PREX2: variants seen among roughly 807,000 people sequenced by gnomAD.
PREX2 encodes phosphatidylinositol 3,4,5-trisphosphate-dependent Rac exchanger 2 protein.
PREX2 carries 107 observed loss-of-function variants against 203.2 expected under a neutral mutation model. The ratio of observed to expected loss-of-function variants is 0.53; its 90% CI spans 0.45 to 0.62. PREX2 has a LOEUF of 0.62. PREX2 is among the 20% of genes least tolerant of loss of function. PREX2 has a pLI of 0.00. For missense variants in PREX2, 1,777 were observed against 1,955.9 expected (o/e 0.91, Z 1.72); for synonymous variants, 672 against 663.6 (o/e 1.01, Z -0.19).
In PREX2 at chr8:68,019,778, C is replaced by T. The variant is rs1400128580; in HGVS notation, c.336+107C>T. ...ATTCAGTATTAGAAGTAAAATCTGA[C>T]ACCAAAAGTTTAAGGTCTTTTAAGG... On this transcript the variant is annotated intron_variant, in intron 3 of 39. Coordinates refer to ENST00000288368, the MANE Select transcript of PREX2 (RefSeq NM_024870.4). 1.1e-5 allele frequency: 12 copies of T among 1,136,836 alleles called. No individual in the cohort carries two copies. The Admixed American group carries it at 2.9e-4, about 28-fold the overall frequency. 70.4% of individuals were successfully genotyped at this position (1,136,836 alleles called of 1,614,324 possible).
At chr8:67,975,055 T>C (rs1015284139) in intron 1 of PREX2, among the ~76,000 whole-genome samples, 1 of 152,156 alleles carries the variant, frequency 6.6e-6, no homozygotes, top group African/African-American at 2.4e-5. Context: ...CTTCTGCCTT[T>C]ATTATTCTTC....
chr8:67,997,082 T>A (rs1806787946), intron 1 of PREX2, among the ~76,000 whole-genome samples: 1 of 152,216 alleles, frequency 6.6e-6, no homozygotes, highest in Admixed American at 6.5e-5. Context: ...TGGGTGGTAT[T>A]TATGGGAAGT....
intron 31 of PREX2, among the ~76,000 whole-genome samples, chr8:68,130,968 G>A (rs1279650507): frequency 1.3e-5 from 2 of 152,240 alleles, no homozygotes; most frequent in African/African-American, 2.4e-5. Flanking sequence ...TTGCTAGGCA[G>A]AGGAGAAGGA....
intron 1 of PREX2, among the ~76,000 whole-genome samples, chr8:67,969,698 C>T (rs16933854): frequency 0.14 from 20,842 of 152,110 alleles, 1,885 homozygotes; most frequent in African/African-American, 0.26. Context: ...TGGGACCTTC[C>T]TCATACATCA....
At chr8:67,984,309 C>T (rs987069520) in intron 1 of PREX2, among the ~76,000 whole-genome samples, 3 of 151,782 alleles carry the variant, frequency 2.0e-5, no homozygotes, top group Non-Finnish European at 2.9e-5. Flanking sequence ...ATTTATTCAA[C>T]ATTGATTTCT....
At chr8:67,970,784 C>G (rs1250577625) in intron 1 of PREX2, among the ~76,000 whole-genome samples, 1 of 152,198 alleles carries the variant, frequency 6.6e-6, no homozygotes, top group East Asian at 1.9e-4. Context: ...GCTTGAGGGT[C>G]AGGACAGAGA....
intron 4 of PREX2, among the ~76,000 whole-genome samples, chr8:68,023,519 T>A (rs1366099628): frequency 1.3e-5 from 2 of 152,186 alleles, no homozygotes; most frequent in East Asian, 3.8e-4. Flanking sequence ...CAGATATAAG[T>A]CCTATATCAG....
rs71253064 is a variant in PREX2, at chr8:68,130,114, CA to C, written c.3766+2714del. On this transcript the variant is annotated intron_variant, in intron 31 of 39. Coordinates refer to ENST00000288368, the MANE Select transcript of PREX2 (RefSeq NM_024870.4). ...ATATCATAGTGAGGCCCTGCCTCTG[CA>C]AAAAAAAAAAAAAAAAAATTAAAAA... Among the ~76,000 whole-genome samples, 566 of 102,660 alleles carry C rather than the reference CA, an allele frequency of 5.5e-3. 3 individuals are homozygous for C. The highest frequency in any genetic ancestry group is 0.016 in the East Asian group (58 of 3,520). 67.3% of individuals were successfully genotyped at this position (102,660 alleles called of 152,430 possible).
At chr8:68,046,307 C>T (rs1808349232) in intron 8 of PREX2, among the ~76,000 whole-genome samples, 1 of 152,020 alleles carries the variant, frequency 6.6e-6, no homozygotes, top group African/African-American at 2.4e-5. Context: ...GATTACTGTG[C>T]TTTTGGGCAG....
intron 37 of PREX2, among the ~76,000 whole-genome samples, chr8:68,211,083 C>T (rs1348865538): frequency 6.6e-6 from 1 of 152,072 alleles, no homozygotes; most frequent in African/African-American, 2.4e-5. Flanking sequence ...AAGAGGAGAC[C>T]AGTTCACATG....
In PREX2 at chr8:68,115,906, C is replaced by G. The variant is rs1048948922; in HGVS notation, c.3300C>G (p.Asp1100Glu). The change falls in exon 26 of 40, where the codon GAC (aspartate) becomes GAG (glutamate). Residue 1100 changes from aspartate to glutamate, a missense_variant. Coordinates refer to ENST00000288368, the MANE Select transcript of PREX2 (RefSeq NM_024870.4). ...ATGAACAGGAAGATTCTGGTCATGA[C>G]ACCATCAGCAACAGAGACTCTTACA... ...AGDEQEDSGH[D>E]TISNRDSYSD... The G allele has an allele frequency of 3.1e-6, 5 of 1,612,288 alleles. No individual in the cohort carries two copies. Among genetic ancestry groups the G allele is most frequent in the Admixed American group, 1.7e-5 (1 of 59,716 alleles).
At chr8:68,175,845 A>G (rs2129614337) in intron 35 of PREX2, among the ~76,000 whole-genome samples, 1 of 152,088 alleles carries the variant, frequency 6.6e-6, no homozygotes, top group Non-Finnish European at 1.5e-5. Flanking sequence ...TATAATTTTA[A>G]CTGTATAATG....
intron 4 of PREX2, among the ~76,000 whole-genome samples, chr8:68,023,008 G>A (rs1183278994): frequency 6.6e-6 from 1 of 152,114 alleles, no homozygotes; most frequent in African/African-American, 2.4e-5. Context: ...TGGATATGCT[G>A]TATTTTGTTT....
At chr8:68,078,809 C>T (rs1809428301) in intron 15 of PREX2, among the ~76,000 whole-genome samples, 1 of 151,854 alleles carries the variant, frequency 6.6e-6, no homozygotes, top group Non-Finnish European at 1.5e-5. Context: ...AGCACCAACA[C>T]AGTAATTTTA....
Position 68,087,796 on chromosome 8 carries a change from T to C in PREX2, c.2100T>C (p.His700=). Reference sequence around the variant, plus strand: ...GGGGATTTGGCCCTTCTGTTGTGCATGCTGTAGGAAGAGGTAGGAAATTCG... The same window carrying C: ...GGGGATTTGGCCCTTCTGTTGTGCACGCTGTAGGAAGAGGTAGGAAATTCG... ...QIRGFGPSVV[H]AVGRGTVAAA... Residue 700 remains histidine, a synonymous_variant, in exon 19 of 40, where the codon CAT becomes CAC. Transcript: ENST00000288368. 6.2e-7 allele frequency: 1 copy of C among 1,612,982 alleles called. No individual in the cohort carries two copies. The highest frequency in any genetic ancestry group is 8.5e-7 in the Non-Finnish European group (1 of 1,178,988).
intron 26 of PREX2, among the ~76,000 whole-genome samples, chr8:68,117,167 C>A (rs968761120): frequency 1.3e-5 from 2 of 152,144 alleles, no homozygotes; most frequent in Non-Finnish European, 2.9e-5. Flanking sequence ...TAAAAATATA[C>A]TTTTATCAAA....
intron 37 of PREX2, among the ~76,000 whole-genome samples, chr8:68,197,704 A>T (rs1812424947): frequency 6.7e-6 from 1 of 148,572 alleles, no homozygotes; most frequent in South Asian, 2.1e-4. Flanking sequence ...ATATATATAC[A>T]ATATATATAT....
chr8:68,120,303 T>C lies in PREX2; in HGVS notation c.3595+17T>C, dbSNP rs1465366825. ...GATTGCAAGGTAAGCCTTGAAAAAT[T>C]AACTAGTAGAAGCAATTGAGAAAAA... is the stretch of plus-strand genomic sequence containing the variant. On this transcript the variant is annotated intron_variant, in intron 29 of 39. Transcript: ENST00000288368. The C allele has an allele frequency of 6.3e-7, 1 of 1,580,956 alleles. No homozygotes were observed. Among genetic ancestry groups the C allele is most frequent in the African/African-American group, 1.3e-5 (1 of 74,238 alleles).
At chr8:68,127,256 C>A in intron 30 of PREX2, 122 bp from the exon 31 acceptor site, 1 of 673,522 alleles carries the variant, frequency 1.5e-6, no homozygotes, top group Non-Finnish European at 2.5e-6. Flanking sequence ...ATGGCAAAAC[C>A]ACAACTACTT....
Sources: allele counts gnomAD v4.1 joint callset (sites outside exome capture counted in the v4.1 genomes callset), GRCh38; gene constraint gnomAD v4.1.1; transcripts MANE v1.5; gene names NCBI Gene and HGNC (gene_info 2026-07-23, HGNC 2026-07-21).